SORCS2: variants seen among roughly 807,000 people sequenced by gnomAD.
SORCS2 encodes sortilin related VPS10 domain containing receptor 2, also known as VPS10 domain-containing receptor SorCS2.
SORCS2 carries 100 observed loss-of-function variants against 141.6 expected under a neutral mutation model. The ratio of observed to expected loss-of-function variants is 0.71; its 90% CI spans 0.60 to 0.83. The LOEUF is 0.83. Ranked by LOEUF, SORCS2 falls within the 40% of genes least tolerant of loss-of-function variation. SORCS2 has a pLI of 0.00. For synonymous variants in SORCS2, 789 were observed against 676.9 expected (o/e 1.17, Z -2.57); for missense variants, 1,646 against 1,560.2 (o/e 1.05, Z -0.93).
rs760723319 is a variant in SORCS2, at chr4:7,714,295, C to T, written c.2045C>T (p.Ser682Phe). 6.2e-7 allele frequency: 1 copy of T among 1,606,382 alleles called. No homozygotes were observed. Among genetic ancestry groups the T allele is most frequent in the South Asian group, 1.1e-5 (1 of 88,932 alleles). Residue 682 changes from serine (S) to phenylalanine (F), a missense_variant, in exon 16 of 27, where the codon TCC (serine) becomes TTC (phenylalanine). By Grantham distance (155) the Ser-to-Phe change is radical. Transcript: ENST00000507866. ...QRSFRKRKST[S>F]WCIKGRSFTS... is the part of the protein sequence containing the mutation. ...AGTTTCCGGAAAAGAAAGTCCACGT[C>T]CTGGTGCATCAAGGGGAGGAGCTTC... is the stretch of plus-strand genomic sequence containing the variant.
intron 4 of SORCS2, among the ~76,000 whole-genome samples, chr4:7,649,802 G>C (rs1322534435): frequency 1.3e-5 from 2 of 152,158 alleles, no homozygotes; most frequent in Non-Finnish European, 2.9e-5. Flanking sequence ...TCCTTCTTTG[G>C]TGAACAGCAG....
intron 3 of SORCS2, among the ~76,000 whole-genome samples, chr4:7,593,536 C>A (rs1219345184): frequency 6.6e-6 from 1 of 152,168 alleles, no homozygotes; most frequent in African/African-American, 2.4e-5. Context: ...CCTGTCCCCA[C>A]ACTCTCATGT....
chr4:7,614,592 A>C (rs1389468799), intron 3 of SORCS2, among the ~76,000 whole-genome samples: 2 of 134,560 alleles, frequency 1.5e-5, no homozygotes, highest in South Asian at 2.3e-4. Flanking sequence ...GAATCCATCC[A>C]CCCATCCACC....
chr4:7,550,141 TGTGTG>T (rs1713583116), intron 3 of SORCS2, among the ~76,000 whole-genome samples: 1 of 146,430 alleles, frequency 6.8e-6, no homozygotes, highest in South Asian at 2.2e-4. Context: ...TATGTGTGTG[TGTGTG>T]TGTGTGTGTG....
At chr4:7,682,549 G>A (rs1330669220) in intron 9 of SORCS2, among the ~76,000 whole-genome samples, 194 bp from the exon 10 acceptor site, 1 of 152,116 alleles carries the variant, frequency 6.6e-6, no homozygotes, top group Admixed American at 6.5e-5. Flanking sequence ...ACTAAAACTG[G>A]GGCCAGAGTC....
intron 3 of SORCS2, among the ~76,000 whole-genome samples, chr4:7,593,532 C>T (rs1204166298): frequency 6.6e-6 from 1 of 152,134 alleles, no homozygotes; most frequent in Non-Finnish European, 1.5e-5. Context: ...CTCCCCTGTC[C>T]CCACACTCTC....
At chr4:7,329,191 G>A (rs983166328) in intron 1 of SORCS2, among the ~76,000 whole-genome samples, 4 of 152,208 alleles carry the variant, frequency 2.6e-5, no homozygotes, top group Non-Finnish European at 5.9e-5. Flanking sequence ...ACTCAGTAGG[G>A]GCTCCGAATG....
chr4:7,203,972 C>T (rs1241055301), intron 1 of SORCS2, among the ~76,000 whole-genome samples: 8 of 152,220 alleles, frequency 5.3e-5, no homozygotes, highest in African/African-American at 1.9e-4. Context: ...TTTGCCCAGG[C>T]TGTAGCAGGT....
At chr4:7,521,469 C>G (rs1733324117) in intron 2 of SORCS2, among the ~76,000 whole-genome samples, 3 of 152,224 alleles carry the variant, frequency 2.0e-5, no homozygotes, top group Admixed American at 6.5e-5. Flanking sequence ...CACTGTCCCA[C>G]AATTGCCCTG....
At chr4:7,267,959 C>T (rs959887503) in intron 1 of SORCS2, among the ~76,000 whole-genome samples, 3 of 152,220 alleles carry the variant, frequency 2.0e-5, no homozygotes, top group Admixed American at 1.3e-4. Context: ...CCTTTATGCT[C>T]AGGGAAGTCT....
chr4:7,277,420 A>G (rs1715574945), intron 1 of SORCS2, among the ~76,000 whole-genome samples: 1 of 152,118 alleles, frequency 6.6e-6, no homozygotes, highest in Non-Finnish European at 1.5e-5. Flanking sequence ...TCTCCTCAAT[A>G]CAGACGGGCT....
chr4:7,610,715 A>G (rs1718351435), intron 3 of SORCS2, among the ~76,000 whole-genome samples: 1 of 152,144 alleles, frequency 6.6e-6, no homozygotes, highest in Non-Finnish European at 1.5e-5. Context: ...TTAGAACCAA[A>G]AGGGTCAGGA....
rs1210757360 is a variant in SORCS2 at position 7,676,172 on chromosome 4, G to T, written c.1284G>T (p.Leu428=). 1 of 1,556,754 alleles carries T rather than the reference G, an allele frequency of 6.4e-7. No individual in the cohort carries two copies. Among genetic ancestry groups the T allele is most frequent in the Non-Finnish European group, 8.7e-7 (1 of 1,149,976 alleles). ...GGGGCGTGCGCTACGCGCTGGTGCT[G>T]CAGGACGTGCGCAGCTCACGGCAGG... ...DPRGVRYALV[L]QDVRSSRQAE... The change falls in exon 9 of 27, where the codon CTG becomes CTT. Residue 428 remains leucine, a synonymous_variant. Coordinates refer to ENST00000507866, the MANE Select transcript of SORCS2 (RefSeq NM_020777.3).
In SORCS2 at chr4:7,252,278, A is replaced by G. The variant is rs550377167; in HGVS notation, c.480+59152A>G. On this transcript the variant is annotated intron_variant, in intron 1 of 26. Coordinates refer to ENST00000507866, the MANE Select transcript of SORCS2 (RefSeq NM_020777.3). ...GTGAGCAGGGGCTCTGGGGGAGGAA[A>G]CTGCAGGAACTGAGGGGCCAGTGTG... is the stretch of plus-strand genomic sequence containing the variant. Among the ~76,000 whole-genome samples the G allele has an allele frequency of 3.9e-5, 6 of 152,110 alleles. No homozygotes were observed. In the East Asian group the frequency reaches 1.2e-3, roughly 30 times the overall value.
chr4:7,728,488 C>G, intron 22 of SORCS2, 26 bp downstream of exon 22: 1 of 1,550,386 alleles, frequency 6.5e-7, no homozygotes, highest in Non-Finnish European at 8.8e-7. Context: ...CTAGAGCCTC[C>G]CCAGCCCCAC....
At chr4:7,416,165 A>T (rs1281895069) in intron 2 of SORCS2, among the ~76,000 whole-genome samples, 1 of 152,054 alleles carries the variant, frequency 6.6e-6, no homozygotes, top group African/African-American at 2.4e-5. Context: ...TCTGTAGGTG[A>T]TGGGGAGTTA....
rs530769754 is a variant in SORCS2, at chr4:7,396,468, G to C, written c.548+113G>C. 4 of 1,018,754 alleles carry C rather than the reference G, an allele frequency of 3.9e-6. No individual in the cohort carries two copies. In the African/African-American group the frequency reaches 4.9e-5, roughly 12 times the overall value. The allele number at this position is 1,018,754 out of a possible 1,614,324, so 63.1% of individuals were successfully genotyped here. On this transcript the variant is annotated intron_variant, in intron 2 of 26. Coordinates refer to ENST00000507866, the MANE Select transcript of SORCS2 (RefSeq NM_020777.3). ...TCACTGTGGCAGCCCCTGTGAGTCAGTGGCCTCGCAACTTTTCTTTGGCTA... is the reference window on the plus strand; with the variant it reads ...TCACTGTGGCAGCCCCTGTGAGTCACTGGCCTCGCAACTTTTCTTTGGCTA...
At chr4:7,629,166 G>A (rs2108844007) in intron 3 of SORCS2, among the ~76,000 whole-genome samples, 1 of 152,228 alleles carries the variant, frequency 6.6e-6, no homozygotes, top group South Asian at 2.1e-4. Flanking sequence ...CATGTTGTGT[G>A]TCGTATGTAT....
At chr4:7,561,497 C>T (rs1034330092) in intron 3 of SORCS2, among the ~76,000 whole-genome samples, 14 of 151,774 alleles carry the variant, frequency 9.2e-5, no homozygotes, top group Admixed American at 9.2e-4. Flanking sequence ...TCCATCTACC[C>T]ATTCATCCAT....
Sources: allele counts gnomAD v4.1 joint callset (sites outside exome capture counted in the v4.1 genomes callset), GRCh38; gene constraint gnomAD v4.1.1; transcripts MANE v1.5; gene names NCBI Gene and HGNC (gene_info 2026-07-23, HGNC 2026-07-21).